P3H2: variants seen among roughly 807,000 people sequenced by gnomAD.
P3H2 encodes the protein prolyl 3-hydroxylase 2.
P3H2 carries 80 observed loss-of-function variants against 87.0 expected under a neutral mutation model. The observed-to-expected ratio is 0.92, with a 90% confidence interval of 0.77 to 1.11. P3H2 has a LOEUF of 1.11. P3H2 is among the 50% of genes least tolerant of loss of function. The pLI is 0.00. For missense variants in P3H2, 1,001 were observed against 923.9 expected (o/e 1.08, Z -1.08); for synonymous variants, 367 against 359.3 (o/e 1.02, Z -0.24).
At chr3:189,986,656 A>G (rs1165076126) in intron 6 of P3H2, 132 bp downstream of exon 6, 3 of 709,904 alleles carry the variant, frequency 4.2e-6, no homozygotes, top group African/African-American at 1.8e-5. Context: ...CCCACCCCCA[A>G]TTTTTACCTC....
chr3:189,977,891 T>C (rs1723400560), intron 8 of P3H2, among the ~76,000 whole-genome samples: 1 of 152,160 alleles, frequency 6.6e-6, no homozygotes, highest in East Asian at 1.9e-4. Flanking sequence ...ATTCGAGGCA[T>C]GAGCCACCAC....
At chr3:189,960,367 G>A (rs530244328) in intron 14 of P3H2, among the ~76,000 whole-genome samples, 1 of 152,142 alleles carries the variant, frequency 6.6e-6, no homozygotes, top group Non-Finnish European at 1.5e-5. Context: ...CTCCAGAAGA[G>A]CAGGGCATCT....
chr3:190,032,172 T>C (rs1725274983), intron 1 of P3H2, among the ~76,000 whole-genome samples: 1 of 152,240 alleles, frequency 6.6e-6, no homozygotes, highest in South Asian at 2.1e-4. Context: ...TTATAAATTA[T>C]TTGTTATCTC....
chr3:189,993,960 T>C, intron 3 of P3H2, 134 bp downstream of exon 3: 2 of 685,546 alleles, frequency 2.9e-6, no homozygotes, highest in Non-Finnish European at 4.7e-6. Flanking sequence ...CTACAGGAGA[T>C]AGGCTGGGAT....
intron 1 of P3H2, among the ~76,000 whole-genome samples, chr3:189,998,843 G>A (rs764877177): frequency 6.6e-6 from 1 of 152,122 alleles, no homozygotes; most frequent in Non-Finnish European, 1.5e-5. Flanking sequence ...GATAGTTTCA[G>A]AATTAAACTG....
At chr3:190,078,392 T>A (rs6795785) in intron 1 of P3H2, among the ~76,000 whole-genome samples, 1 of 152,124 alleles carries the variant, frequency 6.6e-6, no homozygotes, top group African/African-American at 2.4e-5. Flanking sequence ...TAATTAAAAC[T>A]TACAGGTTAC....
intron 13 of P3H2, among the ~76,000 whole-genome samples, chr3:189,964,363 T>G (rs1487769571): frequency 6.6e-6 from 1 of 152,240 alleles, no homozygotes; most frequent in Non-Finnish European, 1.5e-5. Flanking sequence ...ATTCAATACA[T>G]GCTATATATA....
chr3:189,974,039 A>G (rs779489999), intron 9 of P3H2, 35 bp from the exon 10 acceptor site: 4 of 1,519,600 alleles, frequency 2.6e-6, no homozygotes, highest in Non-Finnish European at 3.7e-6. Context: ...GTCATCAATG[A>G]TAACTATGAA....
intron 1 of P3H2, among the ~76,000 whole-genome samples, chr3:190,101,517 T>TTA (rs1373373461): frequency 6.6e-6 from 1 of 151,772 alleles, no homozygotes; most frequent in African/African-American, 2.4e-5. Flanking sequence ...AGCCACAACA[T>TTA]TCCTTAAGAC....
At chr3:190,116,447 C>G (rs994675092) in intron 1 of P3H2, 1 of 152,128 alleles carries the variant, frequency 6.6e-6, no homozygotes. Context: ...GACAGTCACA[C>G]AGATAGAGAC....
chr3:189,977,939 G>A (rs1723403653), intron 8 of P3H2, among the ~76,000 whole-genome samples: 1 of 152,050 alleles, frequency 6.6e-6, no homozygotes, highest in South Asian at 2.1e-4. Flanking sequence ...CCCCCTAAAC[G>A]TCTTAGCATA....
intron 1 of P3H2, among the ~76,000 whole-genome samples, chr3:190,086,432 A>G (rs77030453): frequency 0.015 from 2,249 of 152,264 alleles, 44 homozygotes; most frequent in African/African-American, 0.044. Context: ...TGCCCAGCTC[A>G]TCTCTCTAAT....
At chr3:190,031,456 G>C (rs187144350) in intron 1 of P3H2, among the ~76,000 whole-genome samples, 4 of 151,812 alleles carry the variant, frequency 2.6e-5, no homozygotes, top group Non-Finnish European at 5.9e-5. Context: ...TGGCCAACAC[G>C]GTAAACCCTG....
chr3:190,033,180 C>T lies in P3H2; in HGVS notation c.481-37738G>A, dbSNP rs142639741. ...GGCAGAGCTCTGGCAGTAATGCAGG[C>T]GGTGGAGAGCAGCTGTAAATACAGT... is the stretch of plus-strand genomic sequence containing the variant. On this transcript the variant is annotated intron_variant, in intron 1 of 14. Coordinates refer to ENST00000319332, the MANE Select transcript of P3H2 (RefSeq NM_018192.4). Among the ~76,000 whole-genome samples the T allele has an allele frequency of 3.7e-3, 563 of 152,252 alleles. 3 individuals are homozygous for T. Among genetic ancestry groups the T allele is most frequent in the African/African-American group, 0.013 (539 of 41,562 alleles).
chr3:190,092,931 C>G (rs953552696), intron 1 of P3H2, among the ~76,000 whole-genome samples: 1 of 151,914 alleles, frequency 6.6e-6, no homozygotes, highest in African/African-American at 2.4e-5. Flanking sequence ...CTTTCTAATC[C>G]CCCCCAAAAA....
chr3:190,066,143 G>GTATATATATATATATATATATATA (rs60898721), intron 1 of P3H2, among the ~76,000 whole-genome samples: 2 of 138,764 alleles, frequency 1.4e-5, no homozygotes, highest in African/African-American at 5.7e-5. Context: ...ACTGTGGTGT[G>GTATATATATATATATATATATATA]TATATATATA....
intron 1 of P3H2, among the ~76,000 whole-genome samples, chr3:190,011,883 T>C (rs1724600816): frequency 6.6e-6 from 1 of 152,190 alleles, no homozygotes; most frequent in South Asian, 2.1e-4. Context: ...ATAAATTCAC[T>C]AGAAAAATGT....
intron 1 of P3H2, among the ~76,000 whole-genome samples, chr3:190,111,925 A>G (rs747854068): frequency 2.6e-5 from 4 of 152,258 alleles, no homozygotes; most frequent in African/African-American, 7.2e-5. Context: ...AGATGCTCAG[A>G]GAGAGAAAAG....
chr3:189,998,576 C>T (rs575867095), intron 1 of P3H2, among the ~76,000 whole-genome samples: 1 of 152,272 alleles, frequency 6.6e-6, no homozygotes, highest in Non-Finnish European at 1.5e-5. Flanking sequence ...AGTATATCTG[C>T]TTCTCCCATT....
Sources: gnomAD v4.1 joint callset for allele counts (sites outside exome capture counted in the v4.1 genomes callset) on GRCh38, gnomAD v4.1.1 for gene constraint, MANE v1.5 for transcripts, NCBI Gene and HGNC (gene_info 2026-07-23, HGNC 2026-07-21) for gene names.